Variants in TET3 observed in about 807,000 individuals in gnomAD.
TET3 encodes the protein methylcytosine dioxygenase TET3.
A neutral mutation model predicts 141.4 loss-of-function variants in TET3; 19 were observed. That is an observed-to-expected ratio of 0.13 (90% CI 0.09 to 0.20). The LOEUF is 0.20. Among genes scored for constraint, TET3 ranks in the 10% least tolerant of loss-of-function variants. TET3 has a pLI of 1.00. For synonymous variants in TET3, 1,043 were observed against 980.9 expected, an observed-to-expected ratio of 1.06 and a Z score of -1.18; for missense variants, 1,874 against 2,356.9, an observed-to-expected ratio of 0.80 and a Z score of 4.24.
chr2:74,085,885 G>T (rs1342149270), intron 6 of TET3, among the ~76,000 whole-genome samples: 2 of 152,206 alleles, frequency 1.3e-5, no homozygotes, highest in African/African-American at 4.8e-5. Context: ...ACAAAGTGTG[G>T]AAGTCACTCA....
At chr2:74,083,260 A>G (rs1414520830) in intron 6 of TET3, among the ~76,000 whole-genome samples, 2 of 152,222 alleles carry the variant, frequency 1.3e-5, no homozygotes, top group Non-Finnish European at 2.9e-5. Context: ...GCTCAGAACA[A>G]CAGAGGCATG....
intron 4 of TET3, among the ~76,000 whole-genome samples, chr2:74,066,420 C>T (rs1688904623): frequency 6.6e-6 from 1 of 152,136 alleles, no homozygotes. Context: ...CATATGCATG[C>T]ACAGAAGATT....
intron 3 of TET3, among the ~76,000 whole-genome samples, chr2:74,026,725 CTT>C (rs879371002): frequency 1.2e-4 from 17 of 144,380 alleles, no homozygotes; most frequent in East Asian, 2.0e-4. Flanking sequence ...TCCCCTCCAA[CTT>C]TTTTTTTTTT....
At chr2:74,050,004 G>A (rs1262923670) in intron 4 of TET3, among the ~76,000 whole-genome samples, 3 of 152,064 alleles carry the variant, frequency 2.0e-5, no homozygotes, top group Admixed American at 1.3e-4. Context: ...CATGGGGTCC[G>A]CTTACCCTTT....
At position 74,107,676 on chromosome 2, in the gene TET3, G is replaced by A. The variant is rs1411979710; in HGVS notation, c.*5500G>A. The A allele has an allele frequency of 1.3e-5, 2 of 152,242 alleles. No homozygotes were observed. The highest frequency in any genetic ancestry group is 2.9e-5 in the Non-Finnish European group (2 of 68,012). The allele number at this position is 152,242 out of a possible 1,614,324, so 9.4% of individuals were successfully genotyped here. ...TAGAACCCCTGTAGCTTTTTGATGT[G>A]TTTTATTTCTTATCTCTTTGAATTC... On this transcript the variant is annotated 3_prime_UTR_variant, in exon 12 of 12. Coordinates refer to ENST00000409262, the MANE Select transcript of TET3 (RefSeq NM_001287491.2).
At chr2:74,002,373 C>G (rs886919580) in intron 2 of TET3, among the ~76,000 whole-genome samples, 1 of 151,210 alleles carries the variant, frequency 6.6e-6, no homozygotes, top group Non-Finnish European at 1.5e-5. Flanking sequence ...CCCCCCCCAC[C>G]CCCCCGGCGT....
At chr2:74,071,624 C>T (rs1350248674) in intron 4 of TET3, among the ~76,000 whole-genome samples, 1 of 152,208 alleles carries the variant, frequency 6.6e-6, no homozygotes, top group Non-Finnish European at 1.5e-5. Context: ...CTGTTAACTA[C>T]AGACTTTTTG....
chr2:74,044,784 T>C (rs1187655708), intron 3 of TET3, among the ~76,000 whole-genome samples: 1 of 152,224 alleles, frequency 6.6e-6, no homozygotes, highest in African/African-American at 2.4e-5. Context: ...GTACTGTCCC[T>C]TTACTCCTAA....
At chr2:74,000,660 A>G (rs1369241948) in intron 2 of TET3, among the ~76,000 whole-genome samples, 3 of 152,144 alleles carry the variant, frequency 2.0e-5, no homozygotes, top group Non-Finnish European at 4.4e-5. Flanking sequence ...TCTTCTTTGT[A>G]TCTCCCTGGG....
At chr2:74,031,368 A>T (rs1686678686) in intron 3 of TET3, among the ~76,000 whole-genome samples, 1 of 151,720 alleles carries the variant, frequency 6.6e-6, no homozygotes. Context: ...CATCACCCCG[A>T]CTCTCAGAAA....
intron 3 of TET3, among the ~76,000 whole-genome samples, chr2:74,038,292 T>G (rs1444276801): frequency 2.0e-5 from 3 of 152,204 alleles, no homozygotes; most frequent in Non-Finnish European, 4.4e-5. Context: ...GGGCATTTTC[T>G]CTGCCTGAGT....
intron 3 of TET3, among the ~76,000 whole-genome samples, chr2:74,032,824 C>T (rs756736035): frequency 9.9e-5 from 15 of 152,054 alleles, no homozygotes; most frequent in African/African-American, 2.4e-5. Flanking sequence ...GCTGCCCAGG[C>T]GATAACTTTG....
In TET3 at chr2:74,028,844, G is replaced by A. The variant is rs141573376; in HGVS notation, c.361-17434G>A. On this transcript the variant is annotated intron_variant, in intron 3 of 11. Transcript: ENST00000409262. ...ATGACAATGTCAAATTGTGATACAA[G>A]TGTCTAAAGTTAACACTCTTAGCTT... Among the ~76,000 whole-genome samples the A allele has an allele frequency of 9.0e-3, 1,371 of 152,326 alleles. 12 individuals carry two copies. The highest frequency in any genetic ancestry group is 0.014 in the Middle Eastern group (4 of 294).
At chr2:74,089,671 G>A (rs1690366941) in intron 7 of TET3, among the ~76,000 whole-genome samples, 1 of 152,228 alleles carries the variant, frequency 6.6e-6, no homozygotes, top group Non-Finnish European at 1.5e-5. Flanking sequence ...CAGACTCAGT[G>A]TTAGACCTGC....
At chr2:74,020,601 G>A (rs559817540) in intron 3 of TET3, among the ~76,000 whole-genome samples, 5 of 152,308 alleles carry the variant, frequency 3.3e-5, no homozygotes, top group African/African-American at 7.2e-5. Flanking sequence ...AGACTCTCAG[G>A]TCCCTGCCCC....
chr2:74,097,627 C>G (rs117023380), intron 10 of TET3, among the ~76,000 whole-genome samples: 1 of 152,232 alleles, frequency 6.6e-6, no homozygotes. Context: ...GGCCCAGAGT[C>G]TTTAGTGGGG....
Position 74,101,368 on chromosome 2 carries a change from G to A in TET3, c.4580G>A (p.Gly1527Glu). The A allele has an allele frequency of 6.2e-7, 1 of 1,613,896 alleles. No homozygotes were observed. The highest frequency in any genetic ancestry group is 1.1e-5 in the South Asian group (1 of 91,072). ...KFGNSTSALA[G>E]PSLTEKPWAL... is the part of the protein sequence containing the mutation. ...GGGAACAGCACCTCGGCCTTGGCTG[G>A]GCCCAGCCTGACTGAGAAGCCGTGG... Residue 1527 changes from glycine to glutamate, a missense_variant, in exon 12 of 12, where the codon GGG becomes GAG. This residue lies in a region of TET3 where 602 missense variants were observed against 590.2 expected (regional missense o/e 1.02). Transcript: ENST00000409262. This position sits in a 1 kb window ranked among gnomAD's most constrained non-coding sequence, Gnocchi z 8.5.
intron 3 of TET3, among the ~76,000 whole-genome samples, chr2:74,036,598 T>A (rs939737987): frequency 1.3e-5 from 2 of 152,242 alleles, no homozygotes; most frequent in Non-Finnish European, 2.9e-5. Context: ...CCTTGTGATC[T>A]TGAGGCAATT....
intron 2 of TET3, among the ~76,000 whole-genome samples, chr2:74,001,194 T>C (rs1312540195): frequency 6.6e-6 from 1 of 152,194 alleles, no homozygotes; most frequent in Non-Finnish European, 1.5e-5. Flanking sequence ...GTCTCCTCAC[T>C]GGAGGCCAGC....
Sources: gnomAD v4.1 joint callset for allele counts (sites outside exome capture counted in the v4.1 genomes callset) on GRCh38, gnomAD v4.1.1 for gene constraint, gnomAD v4.1.1 regional missense constraint, Gnocchi (gnomAD v3.1) non-coding constraint, MANE v1.5 for transcripts, NCBI Gene and HGNC (gene_info 2026-07-23, HGNC 2026-07-21) for gene names.